The following ADCY2 variants were observed in gnomAD, a reference collection of about 807,000 sequenced individuals.
ADCY2 encodes adenylate cyclase 2.
ADCY2 carries 31 observed loss-of-function variants against 125.2 expected under a neutral mutation model. That is an observed-to-expected ratio of 0.25 (90% CI 0.19 to 0.33). The LOEUF (loss-of-function observed/expected upper bound fraction) is 0.33, where lower values mean the gene tolerates loss of function less well. ADCY2 is among the 10% of genes least tolerant of loss of function. ADCY2 has a pLI of 1.00. For synonymous variants in ADCY2, 512 were observed against 548.4 expected, an observed-to-expected ratio of 0.93 and a Z score of 0.93; for missense variants, 904 against 1,418.2, an observed-to-expected ratio of 0.64 and a Z score of 5.82.
intron 3 of ADCY2, among the ~76,000 whole-genome samples, chr5:7,550,207 C>G (rs1359383863): frequency 2.6e-5 from 4 of 152,162 alleles, no homozygotes; most frequent in Non-Finnish European, 5.9e-5. Context: ...AAAATTGGAA[C>G]CCAAGCCTTC....
intron 2 of ADCY2, among the ~76,000 whole-genome samples, chr5:7,467,668 A>G (rs563185618): frequency 6.6e-6 from 1 of 152,358 alleles, no homozygotes; most frequent in Non-Finnish European, 1.5e-5. Flanking sequence ...ATTTTCAAAG[A>G]AACACTTATT....
intron 2 of ADCY2, among the ~76,000 whole-genome samples, chr5:7,491,128 T>C (rs1404544185): frequency 6.6e-6 from 1 of 152,224 alleles, no homozygotes; most frequent in Non-Finnish European, 1.5e-5. Context: ...TGATAAATGG[T>C]AGCTGAGTGT....
Position 7,820,555 on chromosome 5 carries a change from T to C in ADCY2, c.2999-10T>C. The C allele has an allele frequency of 6.2e-7, 1 of 1,613,416 alleles. No individual in the cohort carries two copies. Among genetic ancestry groups the C allele is most frequent in the South Asian group, 1.1e-5 (1 of 91,062 alleles). ...ATGAATCTTGCTAACTCAACTCTGA[T>C]GTGGCACAGGTATTAACCATGGACC... On this transcript the variant is annotated splice_polypyrimidine_tract_variant and intron_variant, in intron 23 of 24. Transcript: ENST00000338316.
At chr5:7,771,428 C>A (rs1328990298) in intron 17 of ADCY2, among the ~76,000 whole-genome samples, 3 of 152,202 alleles carry the variant, frequency 2.0e-5, no homozygotes, top group African/African-American at 7.2e-5. Flanking sequence ...TGAAGGGTGG[C>A]CTTCACATTC....
chr5:7,437,325 G>A (rs1430122404), intron 2 of ADCY2, among the ~76,000 whole-genome samples: 1 of 152,134 alleles, frequency 6.6e-6, no homozygotes, highest in Non-Finnish European at 1.5e-5. Context: ...CTCCCCTCCC[G>A]AGACAGGCTA....
Position 7,596,960 on chromosome 5 carries a change from A to G in ADCY2, c.571-29207A>G, listed in dbSNP as rs1365308549. Among the ~76,000 whole-genome samples the G allele has an allele frequency of 2.0e-5, 3 of 152,242 alleles. No individual in the cohort carries two copies. The East Asian group carries it at 5.8e-4, about 29-fold the overall frequency. On this transcript the variant is annotated intron_variant, in intron 3 of 24. Transcript: ENST00000338316. ...CAGCCAAGTTAAACATATTTCTACA[A>G]GTAAGAAAGGGAGTCCAGGAAAACT... is the stretch of plus-strand genomic sequence containing the variant.
chr5:7,755,109 C>G (rs1375136030), intron 15 of ADCY2, among the ~76,000 whole-genome samples: 1 of 152,184 alleles, frequency 6.6e-6, no homozygotes, highest in African/African-American at 2.4e-5. Flanking sequence ...CAAACCTGCT[C>G]TTAAGTAGAA....
In ADCY2 at chr5:7,827,321, A is replaced by G. The variant is rs939949830; in HGVS notation, c.*450A>G. The G allele has an allele frequency of 1.3e-5, 2 of 157,766 alleles. No individual in the cohort carries two copies. Among genetic ancestry groups the G allele is most frequent in the African/African-American group, 4.8e-5 (2 of 41,480 alleles). The allele number at this position is 157,766 out of a possible 1,614,324, so 9.8% of individuals were successfully genotyped here. On this transcript the variant is annotated 3_prime_UTR_variant, in exon 25 of 25. Coordinates refer to ENST00000338316, the MANE Select transcript of ADCY2 (RefSeq NM_020546.3). Reference sequence around the variant, plus strand: ...CCCCACGTGGACTCTGTGCTCACCCATTGTCTCATTGCCAGTGGTGTCCAA... The same window carrying G: ...CCCCACGTGGACTCTGTGCTCACCCGTTGTCTCATTGCCAGTGGTGTCCAA...
intron 6 of ADCY2, among the ~76,000 whole-genome samples, chr5:7,696,527 A>C (rs1740899123): frequency 6.6e-6 from 1 of 152,156 alleles, no homozygotes; most frequent in African/African-American, 2.4e-5. Context: ...CGATGACAAA[A>C]AGTTTCTTCC....
intron 2 of ADCY2, among the ~76,000 whole-genome samples, chr5:7,427,866 C>T (rs993995597): frequency 3.3e-5 from 5 of 152,310 alleles, no homozygotes; most frequent in African/African-American, 7.2e-5. Context: ...TGAAGCCCAG[C>T]GGACCTAAAA....
At chr5:7,522,613 G>A (rs1561072432) in intron 3 of ADCY2, 2 of 152,062 alleles carry the variant, frequency 1.3e-5, no homozygotes, top group South Asian at 2.1e-4. Flanking sequence ...CAGTAGAAAT[G>A]AGAAAACAGC....
At chr5:7,614,733 A>G (rs941180319) in intron 3 of ADCY2, among the ~76,000 whole-genome samples, 4 of 152,176 alleles carry the variant, frequency 2.6e-5, no homozygotes, top group Non-Finnish European at 5.9e-5. Flanking sequence ...ACTGCAGGGC[A>G]AGAGGAGAAT....
At position 7,706,831 on chromosome 5, in the gene ADCY2, G is replaced by A; in HGVS notation, c.1197G>A (p.Gln399=). Residue 399 remains glutamine (Q), a synonymous_variant, in exon 8 of 25, where the codon CAG becomes CAA. Transcript: ENST00000338316. ...GNVLCGVIGL[Q]KWQYDVWSHD... ...TCCTGTGTGGCGTGATTGGTCTGCA[G>A]AAGTGGCAATATGATGTGTGGTCAC... 2 of 1,614,272 alleles carry A rather than the reference G, an allele frequency of 1.2e-6. No homozygotes were observed. Among genetic ancestry groups the A allele is most frequent in the Non-Finnish European group, 8.5e-7 (1 of 1,180,044 alleles).
chr5:7,410,492 A>G lies in ADCY2; in HGVS notation c.211-4081A>G, dbSNP rs987025436. ...ATTAGAAGCCATCTGAAATTACCGG[A>G]AAATGCATGGAAAATGAAGGGATAA... On this transcript the variant is annotated intron_variant, in intron 1 of 24. Coordinates refer to ENST00000338316, the MANE Select transcript of ADCY2 (RefSeq NM_020546.3). 2.6e-5 allele frequency among the ~76,000 whole-genome samples: 4 copies of G among 152,182 alleles called. No homozygotes were observed. The South Asian group carries it at 8.3e-4, about 32-fold the overall frequency.
chr5:7,793,224 G>A (rs550403129), intron 20 of ADCY2, among the ~76,000 whole-genome samples: 10 of 152,240 alleles, frequency 6.6e-5, no homozygotes, highest in East Asian at 1.9e-4. Flanking sequence ...CAAGGCAAGC[G>A]GATCATGAGG....
chr5:7,630,933 G>A, intron 4 of ADCY2, among the ~76,000 whole-genome samples: 1 of 151,830 alleles, frequency 6.6e-6, no homozygotes, highest in Admixed American at 6.6e-5. Flanking sequence ...GACTACAGGT[G>A]TCCACCACCA....
At chr5:7,443,744 T>C (rs1215328516) in intron 2 of ADCY2, among the ~76,000 whole-genome samples, 1 of 150,918 alleles carries the variant, frequency 6.6e-6, no homozygotes, top group East Asian at 2.0e-4. Flanking sequence ...ACACTAATAC[T>C]ATGACCACTG....
intron 4 of ADCY2, among the ~76,000 whole-genome samples, chr5:7,683,037 A>G (rs954144104): frequency 1.8e-4 from 27 of 152,224 alleles, no homozygotes; most frequent in African/African-American, 6.0e-4. Flanking sequence ...TTCTGACACC[A>G]CTGAAACGAC....
chr5:7,707,010 C>A, intron 8 of ADCY2, 108 bp downstream of exon 8: 1 of 1,403,400 alleles, frequency 7.1e-7, no homozygotes, highest in East Asian at 2.4e-5. Context: ...TCTGTTGCCT[C>A]TGTTGGTATC....
Sources: allele counts gnomAD v4.1 joint callset (sites outside exome capture counted in the v4.1 genomes callset), GRCh38; gene constraint gnomAD v4.1.1; transcripts MANE v1.5; gene names NCBI Gene and HGNC (gene_info 2026-07-23, HGNC 2026-07-21).